The following HEXB variants were observed in gnomAD, a reference collection of about 807,000 sequenced individuals.
The protein encoded by HEXB is hexosaminidase subunit beta.
In HEXB, 51 loss-of-function variants were observed where a neutral mutation model predicts 71.2. The observed-to-expected ratio is 0.72, with a 90% confidence interval of 0.57 to 0.90. The LOEUF is 0.90. HEXB is among the 40% of genes least tolerant of loss of function. HEXB has a pLI of 0.00. For synonymous variants in HEXB, 266 were observed against 249.3 expected, an observed-to-expected ratio of 1.07 and a Z score of -0.63; for missense variants, 617 against 677.0, an observed-to-expected ratio of 0.91 and a Z score of 0.98.
In HEXB at chr5:74,720,727, G is replaced by C. The variant is rs763475083; in HGVS notation, c.1593G>C (p.Arg531Ser). Residue 531 changes from arginine to serine, a missense_variant, in exon 13 of 14, where the codon AGG becomes AGC. By Grantham distance (110) the Arg-to-Ser change is moderately radical. Coordinates refer to ENST00000261416, the MANE Select transcript of HEXB (RefSeq NM_000521.4). ...ATGACGCCTATGACAGACTGACAAG[G>C]CACCGCTGCAGGATGGTCGAGTAAG... Reference protein sequence around the residue: ...DMDDAYDRLTRHRCRMVERGI... With the variant: ...DMDDAYDRLTSHRCRMVERGI... The C allele has an allele frequency of 1.2e-6, 2 of 1,613,824 alleles. No individual in the cohort carries two copies. The highest frequency in any genetic ancestry group is 3.3e-5 in the Admixed American group (2 of 60,016).
At chr5:74,720,969 TTTAA>T (rs1310248603) in intron 13 of HEXB, 145 bp from the exon 14 acceptor site, 28 of 825,870 alleles carry the variant, frequency 3.4e-5, no homozygotes, top group East Asian at 5.3e-5. Context: ...CTTGAGTTGC[TTTAA>T]TTTTCTTCCC....
At chr5:74,684,207 T>C (rs984136646), upstream of HEXB, among the ~76,000 whole-genome samples, 2 of 152,248 alleles carry the variant, frequency 1.3e-5, no homozygotes, top group African/African-American at 2.4e-5. Context: ...GGTTTTGGTC[T>C]GCCTAGCGTT....
intron 9 of HEXB, among the ~76,000 whole-genome samples, chr5:74,717,495 T>TAC (rs1554036828): frequency 9.3e-5 from 14 of 151,004 alleles, no homozygotes; most frequent in South Asian, 4.2e-4. Flanking sequence ...TATATATATA[T>TAC]ACACATTTCC....
At chr5:74,659,993 A>G (rs1261889152) in intron 1 of HEXB, among the ~76,000 whole-genome samples, 1 of 152,212 alleles carries the variant, frequency 6.6e-6, no homozygotes, top group Non-Finnish European at 1.5e-5. Context: ...GGAGAGGATT[A>G]GGAGACAAAG....
rs563229824 is a variant in HEXB at position 74,695,810 on chromosome 5, C to T, written c.512-883C>T. The stretch of plus-strand genomic sequence containing the variant: ...GAGCCGAGATCGCGCCACTGCACTC[C>T]GTCCTGGGTGACAGAGCAAGACTCC... On this transcript the variant is annotated intron_variant, in intron 3 of 13. Transcript: ENST00000261416. 5.4e-4 allele frequency among the ~76,000 whole-genome samples: 80 copies of T among 147,516 alleles called. 1 individual carries two copies. Among genetic ancestry groups the T allele is most frequent in the Non-Finnish European group, 1.9e-4 (13 of 67,272 alleles).
At chr5:74,668,864 T>G (rs1458169631) in intron 1 of HEXB, among the ~76,000 whole-genome samples, 3 of 152,256 alleles carry the variant, frequency 2.0e-5, no homozygotes, top group Non-Finnish European at 4.4e-5. Context: ...AACATTCATC[T>G]CTATGTTCAT....
chr5:74,685,255 G>A lies in HEXB; in HGVS notation c.-6G>A. On this transcript the variant is annotated 5_prime_UTR_variant, in exon 1 of 14. Coordinates refer to ENST00000261416, the MANE Select transcript of HEXB (RefSeq NM_000521.4). ...GGCAGACCGGGCGGAAAGCAGCCGA[G>A]CGGCCATGGAGCTGTGCGGGCTGGG... 1 of 1,504,054 alleles carries A rather than the reference G, an allele frequency of 6.6e-7. No homozygotes were observed. Among genetic ancestry groups the A allele is most frequent in the East Asian group, 2.7e-5 (1 of 37,276 alleles). 93.2% of individuals were successfully genotyped at this position (1,504,054 alleles called of 1,614,324 possible). A position where few individuals can be genotyped will look rare whatever the true frequency, so the allele number is the denominator to read the frequency against.
chr5:74,661,097 C>G (rs1001109467), intron 1 of HEXB, among the ~76,000 whole-genome samples: 1 of 152,134 alleles, frequency 6.6e-6, no homozygotes, highest in Non-Finnish European at 1.5e-5. Flanking sequence ...CCACAGTGAG[C>G]CACATGTCTG....
At chr5:74,674,801 A>G (rs1221072858) in intron 1 of HEXB, among the ~76,000 whole-genome samples, 1 of 152,070 alleles carries the variant, frequency 6.6e-6, no homozygotes, top group African/African-American at 2.4e-5. Flanking sequence ...GGAGGTTCCA[A>G]AAAGCTTCTA....
At chr5:74,702,067 CTTTTTTTTTTTTTTTTT>C (rs60295789) in intron 5 of HEXB, among the ~76,000 whole-genome samples, 13 of 60,594 alleles carry the variant, frequency 2.1e-4, no homozygotes, top group Admixed American at 7.8e-4. Context: ...CTTTCCTTGT[CTTTTTTTTTTTTTTTTT>C]TTTTTTTTTT....
intron 1 of HEXB, among the ~76,000 whole-genome samples, chr5:74,659,128 C>CT (rs1457003598): frequency 1.3e-5 from 2 of 151,414 alleles, no homozygotes; most frequent in Non-Finnish European, 2.9e-5. Context: ...AAAAAAAAAA[C>CT]TTGTCTTTGG....
Position 74,685,470 on chromosome 5 carries a change from G to T in HEXB, c.210G>T (p.Leu70=), listed in dbSNP as rs552152839. 3.1e-6 allele frequency: 5 copies of T among 1,611,886 alleles called. No homozygotes were observed. In the South Asian group the frequency reaches 5.5e-5, roughly 18 times the overall value. ...PLLVKMTPNL[L]HLAPENFYIS... ...TGGTGAAGATGACCCCGAACCTGCT[G>T]CATCTCGCCCCGGAGAACTTCTACA... is the stretch of plus-strand genomic sequence containing the variant. Residue 70 remains leucine, a synonymous_variant, in exon 1 of 14, where the codon CTG becomes CTT. Transcript: ENST00000261416.
At chr5:74,647,001 C>G (rs1212261394) in intron 1 of HEXB, among the ~76,000 whole-genome samples, 1 of 152,222 alleles carries the variant, frequency 6.6e-6, no homozygotes, top group Non-Finnish European at 1.5e-5. Flanking sequence ...AAACACATCA[C>G]ACATGGAATA....
intron 3 of HEXB, among the ~76,000 whole-genome samples, chr5:74,694,694 G>A (rs116389049): frequency 0.011 from 1,613 of 152,206 alleles, 22 homozygotes; most frequent in African/African-American, 0.037. Context: ...ATTGATCATA[G>A]TCACTCACAC....
chr5:74,694,810 C>CAA (rs34849701), intron 3 of HEXB, among the ~76,000 whole-genome samples: 9 of 147,602 alleles, frequency 6.1e-5, no homozygotes, highest in African/African-American at 9.9e-5. Flanking sequence ...ACTAAAAATA[C>CAA]AAAAAAAAAA....
chr5:74,713,245 A>G (rs775419121), intron 6 of HEXB, among the ~76,000 whole-genome samples: 7 of 152,218 alleles, frequency 4.6e-5, no homozygotes, highest in Non-Finnish European at 1.0e-4. Context: ...TGGTAAACAA[A>G]TGATTTGACA....
At chr5:74,697,683 G>A (rs1257099216) in intron 5 of HEXB, among the ~76,000 whole-genome samples, 3 of 137,264 alleles carry the variant, frequency 2.2e-5, no homozygotes. Flanking sequence ...AGCCGAGATC[G>A]CACCACCGCA....
chr5:74,686,609 A>T (rs1177951669), intron 1 of HEXB, among the ~76,000 whole-genome samples: 3 of 152,204 alleles, frequency 2.0e-5, no homozygotes, highest in Non-Finnish European at 4.4e-5. Context: ...TGATGGCAGA[A>T]ATGGTTCATT....
In HEXB at chr5:74,652,588, A is replaced by G. The variant is rs148850610; in HGVS notation, c.-377+12030A>G. On this transcript the variant is annotated intron_variant, in intron 1 of 13. Transcript: ENST00000511181. The surrounding 1 kb of genome is among the most constrained non-coding windows in gnomAD (Gnocchi z 5.4). ...TTTTTCTAGAACAGAACTTTTTACC[A>G]TAAGACCCTAATCTGCTAGTTTGGT... 3.7e-4 allele frequency among the ~76,000 whole-genome samples: 57 copies of G among 152,318 alleles called. No homozygotes were observed. Among genetic ancestry groups the G allele is most frequent in the African/African-American group, 1.1e-3 (44 of 41,572 alleles).
Sources: allele counts gnomAD v4.1 joint callset (sites outside exome capture counted in the v4.1 genomes callset), GRCh38; gene constraint gnomAD v4.1.1; non-coding constraint Gnocchi (gnomAD v3.1); transcripts MANE v1.5; gene names NCBI Gene and HGNC (gene_info 2026-07-23, HGNC 2026-07-21).